RBFOX1: variants seen among roughly 807,000 people sequenced by gnomAD.
RBFOX1 encodes the protein RNA binding fox-1 homolog 1.
Under a neutral mutation model 57.7 loss-of-function variants are expected in RBFOX1, and 8 were observed. The observed-to-expected ratio is 0.14, with a 90% CI of 0.08 to 0.25. RBFOX1 has a LOEUF of 0.25. Ranked by LOEUF, RBFOX1 falls within the 10% of genes least tolerant of loss-of-function variation. The pLI is 1.00. For synonymous variants in RBFOX1, 326 were observed against 222.4 expected (o/e 1.47, Z -4.15); for missense variants, 611 against 548.5 (o/e 1.11, Z -1.14).
intron 3 of RBFOX1, among the ~76,000 whole-genome samples, chr16:7,042,494 A>G (rs1461737001): frequency 2.6e-5 from 4 of 152,230 alleles, no homozygotes; most frequent in African/African-American, 2.4e-5. Flanking sequence ...AAATCAGCTA[A>G]TGAAATCAAT....
At chr16:6,505,002 G>A (rs2096053828) in intron 2 of RBFOX1, among the ~76,000 whole-genome samples, 1 of 152,104 alleles carries the variant, frequency 6.6e-6, no homozygotes, top group Non-Finnish European at 1.5e-5. Flanking sequence ...GAACCCAGGA[G>A]GCAGAGGTTG....
chr16:7,137,595 T>G (rs2072396032), intron 4 of RBFOX1, among the ~76,000 whole-genome samples: 1 of 152,160 alleles, frequency 6.6e-6, no homozygotes, highest in South Asian at 2.1e-4. Context: ...TTACCCAGTC[T>G]CAGGTATGTC....
chr16:6,090,617 A>G (rs1013515149), intron 1 of RBFOX1, among the ~76,000 whole-genome samples: 8 of 152,214 alleles, frequency 5.3e-5, no homozygotes, highest in Non-Finnish European at 5.9e-5. Flanking sequence ...TCACAAGTCT[A>G]ATGCATTACG....
chr16:7,550,150 C>A (rs2085890499), intron 5 of RBFOX1, among the ~76,000 whole-genome samples: 1 of 152,052 alleles, frequency 6.6e-6, no homozygotes. Context: ...AGGCTGGTCT[C>A]AAACTTCTGG....
chr16:7,059,349 G>T (rs1401554352), intron 4 of RBFOX1, among the ~76,000 whole-genome samples: 1 of 152,098 alleles, frequency 6.6e-6, no homozygotes, highest in Non-Finnish European at 1.5e-5. Flanking sequence ...ATTTTAGGAT[G>T]GTTCGTTGTA....
chr16:7,680,940 C>T (rs531069087), intron 14 of RBFOX1, among the ~76,000 whole-genome samples: 4 of 151,998 alleles, frequency 2.6e-5, no homozygotes, highest in South Asian at 4.1e-4. Flanking sequence ...TGGGGCCTCA[C>T]AAGGGACTTA....
At chr16:5,968,801 C>T (rs79617226) in intron 4 of RBFOX1, among the ~76,000 whole-genome samples, 3,516 of 152,016 alleles carry the variant, frequency 0.023, 124 homozygotes, top group African/African-American at 0.079. Context: ...TTGTTCTTTT[C>T]TCTTGTTTTC....
At chr16:7,475,326 TTC>T (rs1213674610) in intron 4 of RBFOX1, among the ~76,000 whole-genome samples, 44 of 150,858 alleles carry the variant, frequency 2.9e-4, no homozygotes, top group African/African-American at 1.1e-3. Flanking sequence ...TTTTTTTTTT[TTC>T]TTTCTAGATG....
chr16:7,041,460 T>A (rs2046164136), intron 3 of RBFOX1, among the ~76,000 whole-genome samples: 1 of 152,168 alleles, frequency 6.6e-6, no homozygotes. Flanking sequence ...CTTGTGGACA[T>A]TGGCATTCTT....
intron 7 of RBFOX1, among the ~76,000 whole-genome samples, chr16:7,588,315 A>G (rs1244609229): frequency 6.6e-6 from 1 of 152,264 alleles, no homozygotes; most frequent in Non-Finnish European, 1.5e-5. Flanking sequence ...GGAACTGATT[A>G]GAAATGCAAG....
Position 6,690,227 on chromosome 16 carries a change from A to G in RBFOX1, c.-16+35577A>G, listed in dbSNP as rs543997521. 6.6e-5 allele frequency among the ~76,000 whole-genome samples: 10 copies of G among 152,302 alleles called. No homozygotes were observed. The East Asian group carries it at 1.9e-3, about 29-fold the overall frequency. On this transcript the variant is annotated intron_variant, in intron 3 of 15. Transcript: ENST00000550418. ...TCAAAAAGAGTTTACTTTAAAGAGC[A>G]TGACTCTCTAAGAAGATATTTGATT...
intron 3 of RBFOX1, among the ~76,000 whole-genome samples, chr16:6,979,874 C>T (rs1483177026): frequency 3.3e-5 from 5 of 152,106 alleles, no homozygotes; most frequent in Admixed American, 3.3e-4. Flanking sequence ...TGTGAGCCTC[C>T]TGGGCATCTA....
chr16:6,763,689 G>T (rs117107479), intron 3 of RBFOX1, among the ~76,000 whole-genome samples: 2 of 152,090 alleles, frequency 1.3e-5, no homozygotes, highest in African/African-American at 2.4e-5. Flanking sequence ...TAGGATTTAC[G>T]TTTTTATTAG....
At chr16:7,004,838 G>T (rs2093158069) in intron 3 of RBFOX1, among the ~76,000 whole-genome samples, 3 of 152,098 alleles carry the variant, frequency 2.0e-5, no homozygotes, top group African/African-American at 7.2e-5. Flanking sequence ...AACCTGTTGG[G>T]ACAGAACAGG....
At chr16:5,635,903 G>A (rs1250881379) in intron 3 of RBFOX1, among the ~76,000 whole-genome samples, 4 of 152,174 alleles carry the variant, frequency 2.6e-5, no homozygotes, top group Non-Finnish European at 5.9e-5. Context: ...TAGGATGAAG[G>A]GGTGATATCA....
intron 4 of RBFOX1, among the ~76,000 whole-genome samples, chr16:7,517,449 G>A (rs2076610596): frequency 6.6e-6 from 1 of 151,938 alleles, no homozygotes; most frequent in East Asian, 1.9e-4. Context: ...TGCTTAAAAT[G>A]GGGATGTCAG....
chr16:5,848,082 C>T (rs189505638), intron 3 of RBFOX1, among the ~76,000 whole-genome samples: 8 of 152,240 alleles, frequency 5.3e-5, no homozygotes, highest in Admixed American at 3.3e-4. Flanking sequence ...GAGCTCTGGC[C>T]AACCCAGAGA....
chr16:5,531,683 A>C (rs1479502138), intron 2 of RBFOX1, among the ~76,000 whole-genome samples: 5 of 152,220 alleles, frequency 3.3e-5, no homozygotes, highest in Non-Finnish European at 5.9e-5. Flanking sequence ...CAATGTGTTT[A>C]AGGTACTCAA....
At chr16:7,464,561 T>C (rs1253033432) in intron 4 of RBFOX1, among the ~76,000 whole-genome samples, 1 of 152,136 alleles carries the variant, frequency 6.6e-6, no homozygotes, top group Non-Finnish European at 1.5e-5. Flanking sequence ...CAAGCTATTG[T>C]TAAAAATCCC....
Sources: allele counts gnomAD v4.1 joint callset (sites outside exome capture counted in the v4.1 genomes callset), GRCh38; gene constraint gnomAD v4.1.1; transcripts MANE v1.5; gene names NCBI Gene and HGNC (gene_info 2026-07-23, HGNC 2026-07-21).